The following SAFB variants were observed in gnomAD, a reference collection of about 807,000 sequenced individuals.
SAFB encodes scaffold attachment factor B, also known as scaffold attachment factor B1.
In SAFB, 15 loss-of-function variants were observed where a neutral mutation model predicts 101.6. The ratio of observed to expected loss-of-function variants is 0.15; its 90% confidence interval spans 0.10 to 0.23. The LOEUF is 0.23. SAFB is among the 10% of genes least tolerant of loss of function. The pLI is 1.00. For synonymous variants in SAFB, 449 were observed against 407.5 expected, an observed-to-expected ratio of 1.10 and a Z score of -1.23; for missense variants, 930 against 1,104.1, an observed-to-expected ratio of 0.84 and a Z score of 2.23.
At chr19:5,639,334 G>C (rs1407563661) in intron 2 of SAFB, among the ~76,000 whole-genome samples, 2 of 152,150 alleles carry the variant, frequency 1.3e-5, no homozygotes, top group Non-Finnish European at 2.9e-5. Context: ...GTATGGAGGA[G>C]GACATCCAAG....
intron 9 of SAFB, among the ~76,000 whole-genome samples, chr19:5,652,513 G>C (rs1293466360): frequency 6.6e-6 from 1 of 152,214 alleles, no homozygotes; most frequent in Admixed American, 6.5e-5. Context: ...TCGGCCACTG[G>C]CTGCTGCAGG....
rs147033407 is a variant in SAFB, at chr19:5,642,756, G to A, written c.546+810G>A. Among the ~76,000 whole-genome samples, 47 of 139,150 alleles carry A rather than the reference G, an allele frequency of 3.4e-4. 1 individual carries two copies. The highest frequency in any genetic ancestry group is 1.2e-3 in the African/African-American group (45 of 37,046). 91.3% of individuals were successfully genotyped at this position (139,150 alleles called of 152,430 possible). The stretch of plus-strand genomic sequence containing the variant: ...CAGCTCACTGCAACCTCTGCCCCCT[G>A]GGTTCAAGTGATCTCCTCCCTCAGC... On this transcript the variant is annotated intron_variant, in intron 4 of 20. Coordinates refer to ENST00000588852, the MANE Select transcript of SAFB (RefSeq NM_001201338.2).
chr19:5,667,836 G>T lies in SAFB; in HGVS notation c.2574G>T (p.Met858Ile). ...HKRWQGGERS[M>I]SGHSGPGHMM... is the part of the protein sequence containing the mutation. ...GTCTTCCAGGTGGCGAGAGAAGCATGTCCGGTCACTCCGGGCCTGGCCACA... is the reference window on the plus strand; with the variant it reads ...GTCTTCCAGGTGGCGAGAGAAGCATTTCCGGTCACTCCGGGCCTGGCCACA... The change falls in exon 20 of 21, where the codon ATG (methionine) becomes ATT (isoleucine). Residue 858 changes from methionine to isoleucine, a missense_variant. Met to Ile is a conservative substitution (Grantham distance 10, BLOSUM62 1). Around this residue, in one of 7 missense-constraint regions of SAFB, gnomAD observed 318 missense variants for 342.6 expected, o/e 0.93. Coordinates refer to ENST00000588852, the MANE Select transcript of SAFB (RefSeq NM_001201338.2). The surrounding 1 kb of genome is among the most constrained non-coding windows in gnomAD (Gnocchi z 4.0). 6.2e-7 allele frequency: 1 copy of T among 1,614,034 alleles called. No homozygotes were observed. The highest frequency in any genetic ancestry group is 1.1e-5 in the South Asian group (1 of 91,078).
At chr19:5,636,777 C>G (rs377355539) in intron 2 of SAFB, among the ~76,000 whole-genome samples, 1 of 151,886 alleles carries the variant, frequency 6.6e-6, no homozygotes, top group East Asian at 2.0e-4. Flanking sequence ...GGCACAATCT[C>G]AGCTCACCGC....
chr19:5,654,866 C>A (rs1286367887), intron 13 of SAFB, among the ~76,000 whole-genome samples: 1 of 152,256 alleles, frequency 6.6e-6, no homozygotes, highest in African/African-American at 2.4e-5. Context: ...CTGCGCCCAG[C>A]CTCAAATTAT....
chr19:5,625,177 ATTCT>A (rs2053330576), intron 1 of SAFB, among the ~76,000 whole-genome samples: 1 of 152,018 alleles, frequency 6.6e-6, no homozygotes, highest in African/African-American at 2.4e-5. Context: ...TCCTGATCTC[ATTCT>A]CTTCCCGTTT....
chr19:5,664,235 C>A, intron 16 of SAFB, 76 bp downstream of exon 16: 1 of 1,507,516 alleles, frequency 6.6e-7, no homozygotes, highest in Non-Finnish European at 9.1e-7. Context: ...GACTCCTGGG[C>A]TCTCTGAACC....
At chr19:5,626,518 T>A in intron 2 of SAFB, 29 bp downstream of exon 2, 1 of 1,310,870 alleles carries the variant, frequency 7.6e-7, no homozygotes, top group Non-Finnish European at 1.1e-6. Flanking sequence ...GCAAGTTTCA[T>A]GTTAAGTGCT....
intron 2 of SAFB, among the ~76,000 whole-genome samples, chr19:5,638,521 C>T (rs1316067380): frequency 6.6e-6 from 1 of 151,772 alleles, no homozygotes; most frequent in Non-Finnish European, 1.5e-5. Flanking sequence ...TGGGGTTTCA[C>T]CATGTTGGCC....
intron 8 of SAFB, among the ~76,000 whole-genome samples, chr19:5,650,475 G>C (rs993630158): frequency 1.3e-4 from 20 of 152,206 alleles, no homozygotes; most frequent in African/African-American, 4.3e-4. Flanking sequence ...GCAGTGGCGC[G>C]ATCTCAGCTC....
At chr19:5,651,191 A>C in intron 9 of SAFB, 119 bp downstream of exon 9, 1 of 614,444 alleles carries the variant, frequency 1.6e-6, no homozygotes, top group Non-Finnish European at 2.8e-6. Flanking sequence ...TACACTTGCT[A>C]ATGGCTGGGG....
chr19:5,624,054 A>G (rs1830679737), intron 1 of SAFB: 1 of 152,088 alleles, frequency 6.6e-6, no homozygotes, highest in Non-Finnish European at 1.5e-5. Flanking sequence ...AAATGAGGGG[A>G]GACCCCGGGT....
At chr19:5,654,801 A>G (rs1309361348) in intron 13 of SAFB, among the ~76,000 whole-genome samples, 1 of 152,174 alleles carries the variant, frequency 6.6e-6, no homozygotes, top group Non-Finnish European at 1.5e-5. Context: ...TCCTCACCTC[A>G]GGTGATCCGC....
At chr19:5,629,708 A>C (rs2053447772) in intron 2 of SAFB, among the ~76,000 whole-genome samples, 1 of 152,220 alleles carries the variant, frequency 6.6e-6, no homozygotes, top group Non-Finnish European at 1.5e-5. Context: ...ACTTAGTGAA[A>C]GGAGAATTCT....
chr19:5,659,992 G>A (rs892916360), intron 14 of SAFB, among the ~76,000 whole-genome samples: 9 of 152,232 alleles, frequency 5.9e-5, no homozygotes, highest in Non-Finnish European at 1.0e-4. Flanking sequence ...AAGGTGCTGA[G>A]ATCCACAGAG....
Position 5,664,164 on chromosome 19 carries a change from G to A in SAFB, c.2291+5G>A, listed in dbSNP as rs1018957977. On this transcript the variant is annotated splice_donor_5th_base_variant and intron_variant, in intron 16 of 20. Coordinates refer to ENST00000588852, the MANE Select transcript of SAFB (RefSeq NM_001201338.2). ...CCCCGACCACTCGGTGGACAGGTCA[G>A]TTGGGCCCCTGCTGGGCGTGCGGGT... 7 of 1,613,304 alleles carry A rather than the reference G, an allele frequency of 4.3e-6. No individual in the cohort carries two copies. Among genetic ancestry groups the A allele is most frequent in the Non-Finnish European group, 5.9e-6 (7 of 1,179,824 alleles).
chr19:5,664,328 C>T (rs2054282446), intron 16 of SAFB, 69 bp from the exon 17 acceptor site: 1 of 1,471,370 alleles, frequency 6.8e-7, no homozygotes, highest in African/African-American at 1.4e-5. Flanking sequence ...TCATTGGGGG[C>T]CTGATGGTCC....
chr19:5,631,805 G>C (rs1341560384), intron 2 of SAFB, among the ~76,000 whole-genome samples: 1 of 152,146 alleles, frequency 6.6e-6, no homozygotes, highest in African/African-American at 2.4e-5. Flanking sequence ...CAACAGTTTG[G>C]GACACCGACG....
chr19:5,626,145 C>T (rs372425592), intron 1 of SAFB, among the ~76,000 whole-genome samples: 3 of 152,058 alleles, frequency 2.0e-5, no homozygotes, highest in African/African-American at 7.2e-5. Context: ...TATTATTAGC[C>T]GCATGTTCCA....
Sources: allele counts gnomAD v4.1 joint callset (sites outside exome capture counted in the v4.1 genomes callset), GRCh38; gene constraint gnomAD v4.1.1; regional missense constraint gnomAD v4.1.1; non-coding constraint Gnocchi (gnomAD v3.1); transcripts MANE v1.5; gene names NCBI Gene and HGNC (gene_info 2026-07-23, HGNC 2026-07-21).